Variants in NLRP12 observed in about 807,000 individuals in gnomAD.
NLRP12 encodes the protein NLR family pyrin domain containing 12.
Under a neutral mutation model 91.2 loss-of-function variants are expected in NLRP12, and 108 were observed. That is an observed-to-expected ratio of 1.18 (90% confidence interval 1.01 to 1.39). The LOEUF is 1.39. NLRP12 is among the 40% of genes most tolerant of loss of function. NLRP12 has a pLI of 0.00. For synonymous variants in NLRP12, 613 were observed against 566.7 expected (o/e 1.08, Z -1.16); for missense variants, 1,530 against 1,352.7 (o/e 1.13, Z -2.06).
chr19:53,823,941 C>T lies in NLRP12; in HGVS notation c.234G>A (p.Glu78=), dbSNP rs1346861075. ...CCCACAGGTCCTTCCTGTTTATCCGCTCAAAGGTGCTGAGAGCCAACCTCC... is the reference window on the plus strand; with the variant it reads ...CCCACAGGTCCTTCCTGTTTATCCGTTCAAAGGTGCTGAGAGCCAACCTCC... ...EAWRLALSTF[E]RINRKDLWER... is the part of the protein sequence containing the mutation. Residue 78 remains glutamate (E), a synonymous_variant, in exon 1 of 10, where the codon GAG becomes GAA. Coordinates refer to ENST00000324134, the MANE Select transcript of NLRP12 (RefSeq NM_144687.4). The T allele has an allele frequency of 6.2e-7, 1 of 1,614,036 alleles. No homozygotes were observed. The highest frequency in any genetic ancestry group is 1.3e-5 in the African/African-American group (1 of 74,918).
chr19:53,793,832 G>T lies in NLRP12; in HGVS notation c.*217C>A. 1 of 631,522 alleles carries T rather than the reference G, an allele frequency of 1.6e-6. No individual in the cohort carries two copies. The allele number at this position is 631,522 out of a possible 1,614,324, so 39.1% of individuals were successfully genotyped here. On this transcript the variant is annotated 3_prime_UTR_variant, in exon 10 of 10. Transcript: ENST00000324134. Reference sequence around the variant, plus strand: ...AAACTCCTGACCTCGTGATCCACCTGCCTCGGCCTCTCGAAGTGCTAGGAT... The same window carrying T: ...AAACTCCTGACCTCGTGATCCACCTTCCTCGGCCTCTCGAAGTGCTAGGAT...
chr19:53,811,285 G>A lies in NLRP12; in HGVS notation c.374C>T (p.Pro125Leu). The change falls in exon 3 of 10, where the codon CCC becomes CTC. Residue 125 changes from proline (P) to leucine (L), a missense_variant. By Grantham distance (98) the Pro-to-Leu change is moderately conservative (BLOSUM62 -3). Transcript: ENST00000324134. ...GACATAGTCCCTGTAGGTTTCCTGGGGATCTAGGGGAGAGGAATGAAGGTT... is the reference window on the plus strand; with the variant it reads ...GACATAGTCCCTGTAGGTTTCCTGGAGATCTAGGGGAGAGGAATGAAGGTT... ...EVSLVTPRKDPQETYRDYVRR... is the reference protein window; with the variant it reads ...EVSLVTPRKDLQETYRDYVRR... 2 of 1,613,756 alleles carry A rather than the reference G, an allele frequency of 1.2e-6. No individual in the cohort carries two copies. Among genetic ancestry groups the A allele is most frequent in the Non-Finnish European group, 1.7e-6 (2 of 1,180,026 alleles).
chr19:53,823,425 T>TATATTTTTAAAA (rs2092292973), intron 1 of NLRP12, among the ~76,000 whole-genome samples: 1 of 108,998 alleles, frequency 9.2e-6, no homozygotes, highest in Non-Finnish European at 1.8e-5. Flanking sequence ...GTTTTAAATA[T>TATATTTTTAAAA]ATATATTTAA....
In NLRP12 at chr19:53,810,229, T is replaced by G. The variant is rs1400477828; in HGVS notation, c.1430A>C (p.Glu477Ala). The stretch of plus-strand genomic sequence containing the variant: ...GCCGTGCTTCCGGAGGTCCTGCTCC[T>G]CAAATAGGATTTTCTGATTCCAGAG... ...DGLWNQKILF[E>A]EQDLRKHGLD... The change falls in exon 3 of 10, where the codon GAG becomes GCG. Residue 477 changes from glutamate (E) to alanine (A), a missense_variant. By Grantham distance (107) the Glu-to-Ala change is moderately radical. Transcript: ENST00000324134. 1 of 1,614,048 alleles carries G rather than the reference T, an allele frequency of 6.2e-7. No homozygotes were observed. The highest frequency in any genetic ancestry group is 8.5e-7 in the Non-Finnish European group (1 of 1,180,036).
rs777101095 is a variant in NLRP12, at chr19:53,807,654, G to T, written c.2084C>A (p.Thr695Asn). 6.2e-7 allele frequency: 1 copy of T among 1,614,144 alleles called. No homozygotes were observed. Among genetic ancestry groups the T allele is most frequent in the Non-Finnish European group, 8.5e-7 (1 of 1,180,026 alleles). Residue 695 changes from threonine (T) to asparagine (N), a missense_variant, in exon 4 of 10, where the codon ACC (threonine) becomes AAC (asparagine). Physicochemically the swap from Thr to Asn is moderately conservative, Grantham distance 65. Coordinates refer to ENST00000324134, the MANE Select transcript of NLRP12 (RefSeq NM_144687.4). ...HTLLVQLPER[T>N]VLLDAYSEHL... ...TTCACTGTAGGCGTCCAGCAGAACG[G>T]TCCTCTCTGGTCTGCTTGAAGGAAA...
chr19:53,806,009 G>A (rs2091953067), intron 4 of NLRP12, among the ~76,000 whole-genome samples: 1 of 151,838 alleles, frequency 6.6e-6, no homozygotes, highest in Non-Finnish European at 1.5e-5. Flanking sequence ...CGAGGTGGGT[G>A]GATCACCTGA....
chr19:53,797,769 A>C (rs1237023388), intron 8 of NLRP12, among the ~76,000 whole-genome samples: 2 of 135,968 alleles, frequency 1.5e-5, no homozygotes, highest in Admixed American at 7.6e-5. Context: ...ACAGAGTTTC[A>C]CTCTTGTTGC....
chr19:53,806,654 C>G (rs1312571589), intron 4 of NLRP12, among the ~76,000 whole-genome samples: 1 of 136,186 alleles, frequency 7.3e-6, no homozygotes, highest in Non-Finnish European at 1.5e-5. Flanking sequence ...GCACTCCAGC[C>G]TGGTGACAAA....
At chr19:53,798,744 AT>A (rs36023579) in intron 7 of NLRP12, among the ~76,000 whole-genome samples, 50 of 151,902 alleles carry the variant, frequency 3.3e-4, no homozygotes, top group Non-Finnish European at 5.9e-4. Context: ...ACAAAAAAAA[AT>A]TTTTTTTCTT....
At chr19:53,816,146 A>T in intron 1 of NLRP12, among the ~76,000 whole-genome samples, 1 of 151,914 alleles carries the variant, frequency 6.6e-6, no homozygotes, top group South Asian at 2.1e-4. Context: ...TGGTCCTCAG[A>T]AGGCCCCCCA....
chr19:53,809,129 G>A (rs931985809), intron 3 of NLRP12, among the ~76,000 whole-genome samples: 13 of 151,498 alleles, frequency 8.6e-5, no homozygotes, highest in African/African-American at 3.1e-4. Context: ...AGGAGGCTGA[G>A]GCAGGAGAAT....
At position 53,809,608 on chromosome 19, in the gene NLRP12, G is replaced by T. The variant is rs753678830; in HGVS notation, c.2051C>A (p.Ala684Glu). Residue 684 changes from alanine to glutamate, a missense_variant, in exon 3 of 10, where the codon GCG (alanine) becomes GAG (glutamate). Physicochemically the swap from Ala to Glu is moderately radical, Grantham distance 107. Coordinates refer to ENST00000324134, the MANE Select transcript of NLRP12 (RefSeq NM_144687.4). ...TTACAGCTGCACCAACAGCGTGTGC[G>T]CTCCTGCGGAGCACCTCGCGCGGTC... ...GEDRARCSAGAHTLLVQLPER... is the reference protein window; with the variant it reads ...GEDRARCSAGEHTLLVQLPER... The T allele has an allele frequency of 3.7e-6, 6 of 1,611,878 alleles. No individual in the cohort carries two copies. The highest frequency in any genetic ancestry group is 5.1e-6 in the Non-Finnish European group (6 of 1,179,740).
At position 53,809,786 on chromosome 19, in the gene NLRP12, ACTC is replaced by A. The variant is rs746405537; in HGVS notation, c.1870_1872del (p.Glu624del). 5.0e-5 allele frequency: 81 copies of A among 1,612,922 alleles called. No individual in the cohort carries two copies. The highest frequency in any genetic ancestry group is 1.6e-4 in the Middle Eastern group (1 of 6,084). On this transcript the variant is annotated inframe_deletion, in exon 3 of 10. Coordinates refer to ENST00000324134, the MANE Select transcript of NLRP12 (RefSeq NM_144687.4). ...AAGTGGCTCAGGGCCTGCTGGATAA[ACTC>A]CTCCTCCTGGATCTCGTACAAGCAG...
intron 9 of NLRP12, among the ~76,000 whole-genome samples, chr19:53,795,099 G>GGTGTGT (rs1233389201): frequency 7.5e-6 from 1 of 133,512 alleles, no homozygotes; most frequent in African/African-American, 2.7e-5. Context: ...CACCATACCT[G>GGTGTGT]GTGTGTGCGT....
intron 1 of NLRP12, 97 bp downstream of exon 1, chr19:53,823,789 A>T (rs2092304198): frequency 7.3e-7 from 1 of 1,366,072 alleles, no homozygotes; most frequent in African/African-American, 1.4e-5. Context: ...ACCTCAAGTG[A>T]TCTGCCCTCT....
rs960826983 is a variant in NLRP12 at position 53,810,265 on chromosome 19, G to A, written c.1394C>T (p.Ala465Val). Residue 465 changes from alanine (A) to valine (V), a missense_variant, in exon 3 of 10, where the codon GCG becomes GTG. Coordinates refer to ENST00000324134, the MANE Select transcript of NLRP12 (RefSeq NM_144687.4). Reference sequence around the variant, plus strand: ...TTTCTGATTCCAGAGCCCATCTGCCGCCAAGGAGCACAACCCTCTCTGGTT... The same window carrying A: ...TTTCTGATTCCAGAGCCCATCTGCCACCAAGGAGCACAACCCTCTCTGGTT... The part of the protein sequence containing the change: ...PPNQRGLCSL[A>V]ADGLWNQKIL... 6.2e-6 allele frequency: 10 copies of A among 1,614,044 alleles called. No homozygotes were observed. In the Middle Eastern group the frequency reaches 1.3e-3, roughly 213 times the overall value.
chr19:53,819,439 ATATATATATATATATATATG>A lies in NLRP12; in HGVS notation c.289+4427_289+4446del, dbSNP rs1489207739. Among the ~76,000 whole-genome samples the A allele has an allele frequency of 7.0e-4, 15 of 21,554 alleles. 4 individuals carry two copies. The highest frequency in any genetic ancestry group is 2.3e-3 in the African/African-American group (15 of 6,562). The allele number at this position is 21,554 out of a possible 152,430, so 14.1% of individuals were successfully genotyped here. A position where few individuals can be genotyped will look rare whatever the true frequency, so the allele number is the denominator to read the frequency against. On this transcript the variant is annotated intron_variant, in intron 1 of 9. Coordinates refer to ENST00000324134, the MANE Select transcript of NLRP12 (RefSeq NM_144687.4). ...TATATATATATATATATATATATAT[ATATATATATATATATATATG>A]TGTGTGTGTGTGTGTGTGTGTGTGT...
chr19:53,805,496 C>T (rs759067691), intron 4 of NLRP12, 46 bp from the exon 5 acceptor site: 8 of 1,585,090 alleles, frequency 5.0e-6, no homozygotes, highest in South Asian at 2.2e-5. Flanking sequence ...TCTTTTGCTC[C>T]AGTTTTGTGG....
At chr19:53,798,541 C>G in intron 7 of NLRP12, 128 bp from the exon 8 acceptor site, 2 of 898,538 alleles carry the variant, frequency 2.2e-6, no homozygotes, top group Non-Finnish European at 3.5e-6. Flanking sequence ...CCTTGAGAGA[C>G]AAAAAGAAAA....
Sources: gnomAD v4.1 joint callset for allele counts (sites outside exome capture counted in the v4.1 genomes callset) on GRCh38, gnomAD v4.1.1 for gene constraint, MANE v1.5 for transcripts, NCBI Gene and HGNC (gene_info 2026-07-23, HGNC 2026-07-21) for gene names.